RIOX2: variants seen among roughly 807,000 people sequenced by gnomAD.
The protein encoded by RIOX2 is ribosomal oxygenase 2.
Under a neutral mutation model 51.2 loss-of-function variants are expected in RIOX2, and 43 were observed. That is an observed-to-expected ratio of 0.84 (90% CI 0.66 to 1.08). The LOEUF is 1.08. Ranked by LOEUF, RIOX2 falls within the 50% of genes least tolerant of loss-of-function variation. The pLI is 0.00. For synonymous variants in RIOX2, 226 were observed against 218.5 expected (o/e 1.03, Z -0.30); for missense variants, 566 against 561.7 (o/e 1.01, Z -0.08).
intron 9 of RIOX2, 84 bp from the exon 10 acceptor site, chr3:97,945,426 T>C: frequency 8.0e-7 from 1 of 1,244,806 alleles, no homozygotes; most frequent in South Asian, 1.5e-5. Context: ...TTATTCTCCA[T>C]ACATCATTAT....
intron 2 of RIOX2, among the ~76,000 whole-genome samples, chr3:97,963,436 T>C (rs1378045773): frequency 1.3e-5 from 2 of 152,206 alleles, no homozygotes; most frequent in African/African-American, 4.8e-5. Context: ...CAAGGACCTC[T>C]TTATACAGAC....
At chr3:97,961,520 C>A (rs767526155) in intron 3 of RIOX2, 69 bp downstream of exon 3, 1 of 1,506,732 alleles carries the variant, frequency 6.6e-7, no homozygotes, top group African/African-American at 1.4e-5. Flanking sequence ...CTCACCCTGA[C>A]AACTCTACTA....
intron 2 of RIOX2, among the ~76,000 whole-genome samples, chr3:97,962,701 T>C (rs1425236179): frequency 6.6e-6 from 1 of 152,172 alleles, no homozygotes; most frequent in Non-Finnish European, 1.5e-5. Flanking sequence ...ACTTCCTATG[T>C]GCCAGGCACT....
At chr3:97,967,833 C>A (rs747845147) in intron 1 of RIOX2, among the ~76,000 whole-genome samples, 36 of 152,214 alleles carry the variant, frequency 2.4e-4, no homozygotes, top group Non-Finnish European at 5.0e-4. Flanking sequence ...TCAACCACCA[C>A]TCAGATGACA....
In RIOX2 at chr3:97,967,170, T is replaced by C; in HGVS notation, c.424A>G (p.Arg142Gly). ...RATIQFHQPQ[R>G]FKDELWRIQE... The stretch of plus-strand genomic sequence containing the variant: ...ATGGGGAAACTGGTTACCTTAAATC[T>C]CTGAGGTTGGTGAAACTGAATCGTT... Residue 142 changes from arginine (R) to glycine (G), a missense_variant, in exon 2 of 10, where the codon AGA (arginine) becomes GGA (glycine). Transcript: ENST00000394198. The C allele has an allele frequency of 6.2e-7, 1 of 1,613,368 alleles. No individual in the cohort carries two copies. Among genetic ancestry groups the C allele is most frequent in the Non-Finnish European group, 8.5e-7 (1 of 1,179,568 alleles).
rs778086989 is a variant in RIOX2 at position 97,967,561 on chromosome 3, C to T, written c.33G>A (p.Gly11=). 10 of 1,608,450 alleles carry T rather than the reference C, an allele frequency of 6.2e-6. No individual in the cohort carries two copies. Among genetic ancestry groups the T allele is most frequent in the Middle Eastern group, 3.3e-4 (2 of 6,010 alleles). Residue 11 remains glycine (G), a synonymous_variant, in exon 2 of 10, where the codon GGG becomes GGA. Coordinates refer to ENST00000394198, the MANE Select transcript of RIOX2 (RefSeq NM_153182.4). Reference sequence around the variant, plus strand: ...TACAGGGAGCCGGCCCCTCTTCCTTCCCACTCCCTGTAGGCTTTGCTTTCT... The same window carrying T: ...TACAGGGAGCCGGCCCCTCTTCCTTTCCACTCCCTGTAGGCTTTGCTTTCT... MPKKAKPTGS[G]KEEGPAPCKQ... is the part of the protein sequence containing the mutation.
intron 7 of RIOX2, among the ~76,000 whole-genome samples, chr3:97,949,537 A>G (rs1235965593): frequency 6.6e-6 from 1 of 152,182 alleles, no homozygotes; most frequent in African/African-American, 2.4e-5. Flanking sequence ...TCAAATTTTG[A>G]AAACTTCCTG....
chr3:97,952,105 A>C (rs765166199), intron 5 of RIOX2: 36 of 1,138,100 alleles, frequency 3.2e-5, no homozygotes, highest in Non-Finnish European at 3.3e-5. Context: ...CAAACACTCC[A>C]ACAATGCTAC....
intron 8 of RIOX2, among the ~76,000 whole-genome samples, chr3:97,946,899 A>G (rs2040380407): frequency 6.6e-6 from 1 of 152,120 alleles, no homozygotes; most frequent in Non-Finnish European, 1.5e-5. Flanking sequence ...ATGATCAGTT[A>G]GCCAGTTTGG....
chr3:97,945,451 A>C, intron 9 of RIOX2, 109 bp from the exon 10 acceptor site: 1 of 990,964 alleles, frequency 1.0e-6, no homozygotes, highest in South Asian at 1.7e-5. Context: ...GATACCCCTC[A>C]TGAGTATTTT....
Position 97,961,598 on chromosome 3 carries a change from A to G in RIOX2, c.543T>C (p.Asp181=), listed in dbSNP as rs774251927. Residue 181 remains aspartate (D), a synonymous_variant, in exon 3 of 10, where the codon GAT becomes GAC. Transcript: ENST00000394198. ...TTTCTCCATCTCTTACCTCGACATC[A>G]TCATAATGGGGCGGCAGGCCCTGAG... ...AGSQGLPPHY[D]DVEVFILQLE... 3.7e-5 allele frequency: 60 copies of G among 1,600,880 alleles called. 2 individuals carry two copies. In the Middle Eastern group the frequency reaches 6.7e-4, roughly 18 times the overall value.
rs2040320540 is a variant in RIOX2 at position 97,944,985 on chromosome 3, C to CACTT, written c.*195_*198dup. On this transcript the variant is annotated 3_prime_UTR_variant, in exon 10 of 10. Transcript: ENST00000394198. ...AATATGGTTTTGTCATTTTCTGAGA[C>CACTT]ACTTGGTAATTTGCTGTTCTTTCTT... The CACTT allele has an allele frequency of 2.4e-6, 1 of 412,216 alleles. No homozygotes were observed. Among genetic ancestry groups the CACTT allele is most frequent in the Non-Finnish European group, 4.3e-6 (1 of 232,550 alleles). 25.5% of individuals were successfully genotyped at this position (412,216 alleles called of 1,614,324 possible).
rs1261318566 is a variant in RIOX2 at position 97,950,867 on chromosome 3, C to T, written c.807G>A (p.Leu269=). 3.1e-6 allele frequency: 5 copies of T among 1,613,056 alleles called. No homozygotes were observed. Reference sequence around the variant, plus strand: ...CAAATACAAGCCCCGAGATGGTATCCAAAAGGAAATCTCCCCATGAACTAG... The same window carrying T: ...CAAATACAAGCCCCGAGATGGTATCTAAAAGGAAATCTCCCCATGAACTAG... ...YQNNSWGDFL[L]DTISGLVFDT... is the part of the protein sequence containing the mutation. The change falls in exon 6 of 10, where the codon TTG becomes TTA. Residue 269 remains leucine (L), a synonymous_variant. Coordinates refer to ENST00000394198, the MANE Select transcript of RIOX2 (RefSeq NM_153182.4).
intron 2 of RIOX2, among the ~76,000 whole-genome samples, chr3:97,964,215 T>C (rs1331912838): frequency 1.3e-5 from 2 of 152,072 alleles, no homozygotes; most frequent in African/African-American, 4.8e-5. Flanking sequence ...ATGGCTAAAA[T>C]AGAAGACCAC....
intron 8 of RIOX2, among the ~76,000 whole-genome samples, chr3:97,946,629 T>C (rs1289949263): frequency 2.0e-5 from 3 of 148,396 alleles, no homozygotes; most frequent in Non-Finnish European, 4.5e-5. Flanking sequence ...TATTCATATA[T>C]ATATTCCAAC....
rs1157487696 is a variant in RIOX2, at chr3:97,972,366, G to A, written c.-40+15C>T. ...TGCCCCGGCGCTGGGATGCCCACGA[G>A]AGCGCCCCACTCACCCGGCACGGCC... On this transcript the variant is annotated intron_variant, in intron 1 of 9. Coordinates refer to ENST00000394198, the MANE Select transcript of RIOX2 (RefSeq NM_153182.4). 1 of 151,756 alleles carries A rather than the reference G, an allele frequency of 6.6e-6. No homozygotes were observed. Among genetic ancestry groups the A allele is most frequent in the Admixed American group, 6.6e-5 (1 of 15,238 alleles). 9.4% of individuals were successfully genotyped at this position (151,756 alleles called of 1,614,324 possible).
intron 4 of RIOX2, among the ~76,000 whole-genome samples, chr3:97,955,891 CTG>C (rs1170207845): frequency 3.9e-5 from 6 of 152,272 alleles, no homozygotes; most frequent in Admixed American, 2.6e-4. Flanking sequence ...CTGTAGAAAA[CTG>C]TAACACAATG....
chr3:97,961,602 T>C lies in RIOX2; in HGVS notation c.539A>G (p.Tyr180Cys), dbSNP rs1705675874. ...TCCATCTCTTACCTCGACATCATCA[T>C]AATGGGGCGGCAGGCCCTGAGATCC... ...PAGSQGLPPHYDDVEVFILQL... is the reference protein window; with the variant it reads ...PAGSQGLPPHCDDVEVFILQL... Residue 180 changes from tyrosine (Y) to cysteine (C), a missense_variant, in exon 3 of 10, where the codon TAT (tyrosine) becomes TGT (cysteine). Transcript: ENST00000394198. The C allele has an allele frequency of 1.9e-6, 3 of 1,602,786 alleles. No individual in the cohort carries two copies. Among genetic ancestry groups the C allele is most frequent in the African/African-American group, 1.3e-5 (1 of 74,182 alleles).
intron 9 of RIOX2, 180 bp downstream of exon 9, chr3:97,945,617 GC>G (rs2040336350): frequency 3.2e-6 from 2 of 620,394 alleles, no homozygotes; most frequent in Non-Finnish European, 5.6e-6. Flanking sequence ...AAACTGGTGT[GC>G]ATGTATCACA....
Sources: allele counts gnomAD v4.1 joint callset (sites outside exome capture counted in the v4.1 genomes callset), GRCh38; gene constraint gnomAD v4.1.1; transcripts MANE v1.5; gene names NCBI Gene and HGNC (gene_info 2026-07-23, HGNC 2026-07-21).